GRID2: variants seen among roughly 807,000 people sequenced by gnomAD.
GRID2 encodes glutamate receptor ionotropic, delta-2.
Under a neutral mutation model 114.8 loss-of-function variants are expected in GRID2, and 33 were observed. The observed-to-expected ratio is 0.29, with a 90% CI of 0.22 to 0.38. GRID2 has a LOEUF of 0.38. Ranked by LOEUF, GRID2 falls within the 10% of genes least tolerant of loss-of-function variation. GRID2 has a pLI of 1.00. For synonymous variants in GRID2, 505 were observed against 449.9 expected, an observed-to-expected ratio of 1.12 and a Z score of -1.55; for missense variants, 1,184 against 1,257.7, an observed-to-expected ratio of 0.94 and a Z score of 0.89.
chr4:92,861,182 C>T (rs1053411835), intron 2 of GRID2, among the ~76,000 whole-genome samples: 2 of 152,006 alleles, frequency 1.3e-5, no homozygotes, highest in Non-Finnish European at 2.9e-5. Flanking sequence ...AACAAATTAT[C>T]ACAAACTTAA....
chr4:93,329,910 GAAA>G (rs33981658), intron 8 of GRID2, among the ~76,000 whole-genome samples: 2 of 146,094 alleles, frequency 1.4e-5, no homozygotes, highest in African/African-American at 2.5e-5. Flanking sequence ...GACTTATTGC[GAAA>G]AAAAAAAAAA....
chr4:93,000,751 A>T (rs1195185798), intron 2 of GRID2, among the ~76,000 whole-genome samples: 1 of 143,294 alleles, frequency 7.0e-6, no homozygotes, highest in Non-Finnish European at 1.5e-5. Flanking sequence ...TAAATATTCC[A>T]TTAAGGGTAC....
chr4:93,559,421 T>C (rs1471993505), intron 13 of GRID2, among the ~76,000 whole-genome samples: 1 of 152,084 alleles, frequency 6.6e-6, no homozygotes, highest in Non-Finnish European at 1.5e-5. Flanking sequence ...AGGTAAAGGA[T>C]ATGAACAGAC....
intron 8 of GRID2, among the ~76,000 whole-genome samples, chr4:93,248,789 T>C (rs1041327018): frequency 6.6e-6 from 1 of 152,226 alleles, no homozygotes; most frequent in Non-Finnish European, 1.5e-5. Context: ...GAGTAATGCA[T>C]AATTGGAATT....
chr4:93,742,465 G>A (rs919420243), intron 14 of GRID2, among the ~76,000 whole-genome samples: 1 of 152,202 alleles, frequency 6.6e-6, no homozygotes, highest in Non-Finnish European at 1.5e-5. Flanking sequence ...ACAAGCATAT[G>A]TGGTTTTACT....
intron 2 of GRID2, among the ~76,000 whole-genome samples, chr4:92,983,709 T>C (rs1488122719): frequency 1.3e-5 from 2 of 152,246 alleles, no homozygotes; most frequent in Middle Eastern, 6.8e-3. Context: ...CCTACATAGA[T>C]AAATTAAGTA....
chr4:93,553,875 T>G (rs879344323), intron 13 of GRID2, among the ~76,000 whole-genome samples: 1 of 152,212 alleles, frequency 6.6e-6, no homozygotes, highest in Non-Finnish European at 1.5e-5. Context: ...CCTAATTTTT[T>G]GCCATGGATA....
intron 1 of GRID2, among the ~76,000 whole-genome samples, chr4:92,540,402 T>C (rs1170945287): frequency 8.5e-5 from 13 of 152,130 alleles, no homozygotes; most frequent in South Asian, 2.1e-4. Flanking sequence ...ACTCATCTGA[T>C]ATAGGGCTAA....
At chr4:92,773,681 G>A (rs1738644154) in intron 2 of GRID2, among the ~76,000 whole-genome samples, 6 of 151,408 alleles carry the variant, frequency 4.0e-5, no homozygotes, top group Admixed American at 4.0e-4. Flanking sequence ...TAATGAAAAA[G>A]GTAAAATACC....
intron 2 of GRID2, among the ~76,000 whole-genome samples, chr4:92,652,692 C>T (rs1203837911): frequency 5.2e-5 from 7 of 134,988 alleles, no homozygotes; most frequent in East Asian, 2.6e-4. Context: ...TAATTTTGGC[C>T]GGGCGCGGTG....
intron 2 of GRID2, among the ~76,000 whole-genome samples, chr4:92,951,376 G>A (rs1010558417): frequency 2.7e-5 from 4 of 148,158 alleles, no homozygotes; most frequent in African/African-American, 1.0e-4. Context: ...TTTTGAGACA[G>A]GATCTCACTT....
chr4:92,462,185 C>A (rs1721531488), intron 1 of GRID2, among the ~76,000 whole-genome samples: 1 of 152,036 alleles, frequency 6.6e-6, no homozygotes, highest in African/African-American at 2.4e-5. Flanking sequence ...TAGCATTATA[C>A]AATTACAACT....
chr4:93,145,644 CTTTTTTTTT>C (rs10605313), intron 4 of GRID2, among the ~76,000 whole-genome samples: 8 of 45,708 alleles, frequency 1.8e-4, no homozygotes, highest in Non-Finnish European at 2.5e-4. Flanking sequence ...TTCTTTTTTC[CTTTTTTTTT>C]TTTTTTTTTT....
intron 2 of GRID2, among the ~76,000 whole-genome samples, chr4:92,769,960 T>G (rs1560582057): frequency 6.6e-6 from 1 of 152,214 alleles, no homozygotes; most frequent in Non-Finnish European, 1.5e-5. Flanking sequence ...TGCAAATTTC[T>G]GCAGCTGGCT....
At chr4:93,186,930 A>G (rs12640844) in intron 4 of GRID2, among the ~76,000 whole-genome samples, 27,643 of 152,134 alleles carry the variant, frequency 0.18, 4,281 homozygotes, top group African/African-American at 0.42. Context: ...AGAAGTCCAA[A>G]GTCAAGGCAC....
At chr4:93,659,972 C>A (rs1350932639) in intron 14 of GRID2, among the ~76,000 whole-genome samples, 1 of 151,718 alleles carries the variant, frequency 6.6e-6, no homozygotes, top group Non-Finnish European at 1.5e-5. Context: ...ACATGAATAC[C>A]AGCATTGGTA....
intron 4 of GRID2, among the ~76,000 whole-genome samples, chr4:93,141,642 T>C (rs1484543552): frequency 1.3e-5 from 2 of 152,236 alleles, no homozygotes; most frequent in Non-Finnish European, 2.9e-5. Context: ...TCATTTAAGA[T>C]TGATTAAAAC....
At chr4:92,794,560 A>G (rs906679816) in intron 2 of GRID2, among the ~76,000 whole-genome samples, 21 of 151,864 alleles carry the variant, frequency 1.4e-4, no homozygotes, top group Non-Finnish European at 2.8e-4. Flanking sequence ...ATTGATAAAT[A>G]GTGAAACTAA....
intron 2 of GRID2, among the ~76,000 whole-genome samples, chr4:92,882,456 A>T (rs899211782): frequency 6.6e-6 from 1 of 152,222 alleles, no homozygotes; most frequent in African/African-American, 2.4e-5. Flanking sequence ...TTTTTGATTA[A>T]AGAAACATTA....
Sources: allele counts gnomAD v4.1 joint callset (sites outside exome capture counted in the v4.1 genomes callset), GRCh38; gene constraint gnomAD v4.1.1; transcripts MANE v1.5; gene names NCBI Gene and HGNC (gene_info 2026-07-23, HGNC 2026-07-21).